The following VKORC1L1 variants were observed in gnomAD, a reference collection of about 807,000 sequenced individuals.
VKORC1L1 encodes the protein vitamin K epoxide reductase complex subunit 1-like protein 1.
A neutral mutation model predicts 18.9 loss-of-function variants in VKORC1L1; 2 were observed. The ratio of observed to expected loss-of-function variants is 0.11; its 90% CI spans 0.04 to 0.33. VKORC1L1 has a LOEUF of 0.33. VKORC1L1 is among the 10% of genes least tolerant of loss of function. VKORC1L1 has a pLI of 1.00. For missense variants in VKORC1L1, 123 were observed against 224.1 expected (o/e 0.55, Z 2.88); for synonymous variants, 96 against 100.0 (o/e 0.96, Z 0.24).
At chr7:65,871,415 G>A (rs1278029816), upstream of VKORC1L1, among the ~76,000 whole-genome samples, 1 of 151,902 alleles carries the variant, frequency 6.6e-6, no homozygotes, top group African/African-American at 2.4e-5. Context: ...AGCTGGTCTC[G>A]AACTCCTGAC....
rs1790360549 is a variant in VKORC1L1 at position 65,959,454 on chromosome 7, A to G, written c.*5154A>G. 1 of 152,248 alleles carries G rather than the reference A, an allele frequency of 6.6e-6. No individual in the cohort carries two copies. Among genetic ancestry groups the G allele is most frequent in the Admixed American group, 6.5e-5 (1 of 15,278 alleles). 9.4% of individuals were successfully genotyped at this position (152,248 alleles called of 1,614,324 possible). On this transcript the variant is annotated 3_prime_UTR_variant, in exon 3 of 3. Transcript: ENST00000360768. ...AAACTTGATTCCTTTGAAAAACTAA[A>G]GAGAAGTTGATAAAAAAAATACAGA... is the stretch of plus-strand genomic sequence containing the variant.
At chr7:65,929,945 T>A (rs1789832302) in intron 1 of VKORC1L1, among the ~76,000 whole-genome samples, 1 of 151,978 alleles carries the variant, frequency 6.6e-6, no homozygotes, top group African/African-American at 2.4e-5. Flanking sequence ...TGTATATAGG[T>A]TGTCTTTATT....
intron 1 of VKORC1L1, among the ~76,000 whole-genome samples, chr7:65,895,432 A>AC (rs1789174659): frequency 1.5e-5 from 2 of 129,344 alleles, no homozygotes; most frequent in African/African-American, 5.7e-5. Context: ...CCTGGGCCAT[A>AC]TAGTGAAATG....
At chr7:65,944,211 A>T (rs1000627376) in intron 1 of VKORC1L1, among the ~76,000 whole-genome samples, 1 of 150,882 alleles carries the variant, frequency 6.6e-6, no homozygotes, top group Non-Finnish European at 1.5e-5. Context: ...TACCAAAAAT[A>T]AAAAAAATTA....
intron 1 of VKORC1L1, among the ~76,000 whole-genome samples, chr7:65,932,281 AG>A (rs1260525978): frequency 6.6e-6 from 1 of 151,970 alleles, no homozygotes; most frequent in Non-Finnish European, 1.5e-5. Context: ...TATTTTTGGT[AG>A]AGACAGGGTT....
chr7:65,931,295 G>A (rs1205503172), intron 1 of VKORC1L1, among the ~76,000 whole-genome samples: 2 of 152,080 alleles, frequency 1.3e-5, no homozygotes, highest in East Asian at 3.8e-4. Context: ...TTTTCTGGAA[G>A]AGATTGTGTA....
In VKORC1L1 at chr7:65,955,128, C is replaced by A. The variant is rs935602119; in HGVS notation, c.*828C>A. The A allele has an allele frequency of 6.6e-6, 1 of 152,130 alleles. No individual in the cohort carries two copies. The highest frequency in any genetic ancestry group is 1.5e-5 in the Non-Finnish European group (1 of 68,026). 9.4% of individuals were successfully genotyped at this position (152,130 alleles called of 1,614,324 possible). A position where few individuals can be genotyped will look rare whatever the true frequency, so the allele number is the denominator to read the frequency against. ...TGTGGCCAGACCTTCAAGTCCAAGG[C>A]CTTCAGACACTAAGGATGGGAAAAT... On this transcript the variant is annotated 3_prime_UTR_variant, in exon 3 of 3. Coordinates refer to ENST00000360768, the MANE Select transcript of VKORC1L1 (RefSeq NM_173517.6).
chr7:65,890,910 G>A (rs1385865244), intron 1 of VKORC1L1, among the ~76,000 whole-genome samples: 2 of 152,142 alleles, frequency 1.3e-5, no homozygotes, highest in Non-Finnish European at 2.9e-5. Flanking sequence ...CCACTACCCA[G>A]ATGAAGATAT....
At chr7:65,933,246 T>C (rs754579453) in intron 1 of VKORC1L1, among the ~76,000 whole-genome samples, 1 of 152,174 alleles carries the variant, frequency 6.6e-6, no homozygotes, top group Non-Finnish European at 1.5e-5. Flanking sequence ...TCTTTAAGTA[T>C]AATTGTGGAT....
chr7:65,880,625 T>C (rs1788912052), intron 1 of VKORC1L1, among the ~76,000 whole-genome samples: 1 of 152,068 alleles, frequency 6.6e-6, no homozygotes, highest in African/African-American at 2.4e-5. Context: ...GGACCTGAGG[T>C]GTGGTGCTAG....
chr7:65,872,717 G>C (rs1788741460), upstream of VKORC1L1, among the ~76,000 whole-genome samples: 1 of 152,116 alleles, frequency 6.6e-6, no homozygotes, highest in Non-Finnish European at 1.5e-5. Context: ...ACCGAAGGTG[G>C]TGGTGGGAAG....
chr7:65,929,488 A>C (rs117609618), intron 1 of VKORC1L1, among the ~76,000 whole-genome samples: 2,718 of 152,074 alleles, frequency 0.018, 43 homozygotes, highest in Non-Finnish European at 0.027. Flanking sequence ...CTGTCCTTTC[A>C]CCACTACCAC....
Position 65,874,002 on chromosome 7 carries a change from T to TC in VKORC1L1, c.194+443dup, listed in dbSNP as rs1164936932. ...CCTTGAGACCAGCGGCAACCTCTTGTCCCCCCGATCGCTGCAGCCGAGGCT... is the reference window on the plus strand; with the variant it reads ...CCTTGAGACCAGCGGCAACCTCTTGTCCCCCCCGATCGCTGCAGCCGAGGCT... On this transcript the variant is annotated intron_variant, in intron 1 of 2. Coordinates refer to ENST00000360768, the MANE Select transcript of VKORC1L1 (RefSeq NM_173517.6). 3.3e-5 allele frequency among the ~76,000 whole-genome samples: 5 copies of TC among 151,890 alleles called. No homozygotes were observed. In the East Asian group the frequency reaches 7.8e-4, roughly 24 times the overall value.
chr7:65,949,870 T>C (rs1790184715), intron 2 of VKORC1L1, among the ~76,000 whole-genome samples: 1 of 152,236 alleles, frequency 6.6e-6, no homozygotes, highest in Non-Finnish European at 1.5e-5. Context: ...TTCACTCCTT[T>C]TACTTCCAAA....
In VKORC1L1 at chr7:65,908,265, T is replaced by C. The variant is rs143366347; in HGVS notation, c.194+34700T>C. Among the ~76,000 whole-genome samples, 289 of 152,064 alleles carry C rather than the reference T, an allele frequency of 1.9e-3. 3 individuals are homozygous for C. The highest frequency in any genetic ancestry group is 6.8e-3 in the African/African-American group (281 of 41,474). On this transcript the variant is annotated intron_variant, in intron 1 of 2. Coordinates refer to ENST00000360768, the MANE Select transcript of VKORC1L1 (RefSeq NM_173517.6). Reference sequence around the variant, plus strand: ...GCCGTCCCTACTAAAAATAGAAAAATTAGCCGAGCATGGTGGCGCATGCCT... The same window carrying C: ...GCCGTCCCTACTAAAAATAGAAAAACTAGCCGAGCATGGTGGCGCATGCCT...
intron 1 of VKORC1L1, among the ~76,000 whole-genome samples, chr7:65,890,427 A>C (rs1262909179): frequency 6.6e-6 from 1 of 151,932 alleles, no homozygotes; most frequent in African/African-American, 2.4e-5. Flanking sequence ...CACCACACCC[A>C]GCCCCTAATT....
intron 1 of VKORC1L1, among the ~76,000 whole-genome samples, chr7:65,935,507 A>C (rs1184142057): frequency 6.6e-6 from 1 of 151,982 alleles, no homozygotes; most frequent in Non-Finnish European, 1.5e-5. Context: ...ACGGGTTTTC[A>C]CCATGTTGGC....
chr7:65,895,229 C>G (rs1045147640), intron 1 of VKORC1L1, among the ~76,000 whole-genome samples: 4 of 151,706 alleles, frequency 2.6e-5, no homozygotes, highest in Admixed American at 1.3e-4. Flanking sequence ...TCATTATAAG[C>G]ACAAGTTAGA....
At chr7:65,902,767 G>A (rs1250260376) in intron 1 of VKORC1L1, among the ~76,000 whole-genome samples, 5 of 152,020 alleles carry the variant, frequency 3.3e-5, no homozygotes, top group Non-Finnish European at 5.9e-5. Context: ...TACACATCAT[G>A]TACAGAGTAA....
Sources: allele counts gnomAD v4.1 joint callset (sites outside exome capture counted in the v4.1 genomes callset), GRCh38; gene constraint gnomAD v4.1.1; transcripts MANE v1.5; gene names NCBI Gene and HGNC (gene_info 2026-07-23, HGNC 2026-07-21).